Variants in OVCH1 observed in about 807,000 individuals in gnomAD.
The protein encoded by OVCH1 is ovochymase 1.
A neutral mutation model predicts 138.4 loss-of-function variants in OVCH1; 139 were observed. The ratio of observed to expected loss-of-function variants is 1.00; its 90% CI spans 0.87 to 1.16. OVCH1 has a LOEUF of 1.16. OVCH1 is among the 50% of genes most tolerant of loss of function. OVCH1 has a pLI of 0.00. For synonymous variants in OVCH1, 453 were observed against 467.8 expected, an observed-to-expected ratio of 0.97 and a Z score of 0.41; for missense variants, 1,367 against 1,357.9, an observed-to-expected ratio of 1.01 and a Z score of -0.11.
chr12:29,455,655 A>G (rs536783047), intron 19 of OVCH1, among the ~76,000 whole-genome samples: 1 of 152,198 alleles, frequency 6.6e-6, no homozygotes, highest in Non-Finnish European at 1.5e-5. Flanking sequence ...AAAGAAAACA[A>G]TTACATTACT....
At chr12:29,493,203 T>C (rs1943318890) in intron 4 of OVCH1, among the ~76,000 whole-genome samples, 2 of 152,118 alleles carry the variant, frequency 1.3e-5, no homozygotes, top group African/African-American at 4.8e-5. Context: ...TTTCCTCTTA[T>C]ATACACTTCG....
chr12:29,496,278 C>A (rs1373680640), exon 3 of OVCH1: 22 of 1,597,534 alleles, frequency 1.4e-5, no homozygotes, highest in Non-Finnish European at 1.8e-5. Context: ...TTTAGGGAGA[C>A]CTACCCAAGA....
At chr12:29,454,904 A>G (rs775449840) in exon 21 of OVCH1, 3 of 1,612,416 alleles carry the variant, frequency 1.9e-6, no homozygotes, top group African/African-American at 1.3e-5. Flanking sequence ...AAGGTTTTGC[A>G]TTTATTATTT....
At position 29,487,890 on chromosome 12, in the gene OVCH1, G is replaced by T; in HGVS notation, c.703-8C>A. ...TGGTCCTCCAGAGTCCCCCTTTCAT[G>T]GTACAAAAAAAGAGAAAATTTGAAA... On this transcript the variant is annotated splice_polypyrimidine_tract_variant and splice_region_variant and intron_variant, in intron 6 of 27. Coordinates refer to ENST00000318184, the Ensembl canonical transcript of OVCH1. 1.3e-6 allele frequency: 2 copies of T among 1,594,186 alleles called. No homozygotes were observed. Among genetic ancestry groups the T allele is most frequent in the Non-Finnish European group, 1.7e-6 (2 of 1,172,858 alleles).
intron 19 of OVCH1, chr12:29,461,639 G>T: frequency 3.2e-6 from 2 of 627,982 alleles, no homozygotes; most frequent in Non-Finnish European, 5.7e-6. Flanking sequence ...ACCGGCCTTT[G>T]TCGCTGTACA....
intron 3 of OVCH1, among the ~76,000 whole-genome samples, chr12:29,416,104 TAGAG>T (rs1275862672): frequency 1.3e-5 from 2 of 148,306 alleles, no homozygotes; most frequent in South Asian, 2.1e-4. Flanking sequence ...AAGGAAAGGA[TAGAG>T]AGAAAAAGAG....
At chr12:29,459,783 TA>T (rs1238580361) in intron 19 of OVCH1, among the ~76,000 whole-genome samples, 1 of 152,006 alleles carries the variant, frequency 6.6e-6, no homozygotes, top group African/African-American at 2.4e-5. Flanking sequence ...AATTAAAAAT[TA>T]AAAAAGAACT....
At chr12:29,439,345 T>C in exon 26 of OVCH1, 1 of 1,540,806 alleles carries the variant, frequency 6.5e-7, no homozygotes, top group Non-Finnish European at 8.7e-7. Context: ...TTTTCCCATA[T>C]ATGCATGATA....
chr12:29,484,556 G>A (rs564981734), intron 8 of OVCH1, among the ~76,000 whole-genome samples, 157 bp downstream of exon 9: 1 of 152,248 alleles, frequency 6.6e-6, no homozygotes, highest in East Asian at 1.9e-4. Context: ...TTAGTACGCT[G>A]GGGTGGGAAG....
downstream of OVCH1, among the ~76,000 whole-genome samples, chr12:29,410,384 G>C (rs560103578): frequency 7.7e-3 from 1,168 of 151,412 alleles, 14 homozygotes; most frequent in African/African-American, 0.027. Flanking sequence ...CTCGTTAGTT[G>C]ATGCAGTTTC....
At chr12:29,412,253 A>G (rs111806918), downstream of OVCH1, among the ~76,000 whole-genome samples, 100,933 of 151,742 alleles carry the variant, frequency 0.67, 34,932 homozygotes, top group Middle Eastern at 0.86. Flanking sequence ...GACTCCTTGC[A>G]CTTCCCGAGT....
At chr12:29,480,121 C>T (rs374414944) in intron 8 of OVCH1, among the ~76,000 whole-genome samples, 58 of 152,138 alleles carry the variant, frequency 3.8e-4, no homozygotes, top group African/African-American at 1.3e-3. Context: ...CATGCCCAGC[C>T]GGAAACTCTT....
exon 21 of OVCH1, chr12:29,454,903 C>T: frequency 6.2e-7 from 1 of 1,612,336 alleles, no homozygotes; most frequent in Non-Finnish European, 8.5e-7. Context: ...TAAGGTTTTG[C>T]ATTTATTATT....
At chr12:29,444,673 T>A (rs10843420) in intron 23 of OVCH1, among the ~76,000 whole-genome samples, 69,519 of 151,754 alleles carry the variant, frequency 0.46, 16,637 homozygotes, top group African/African-American at 0.59. Flanking sequence ...AGGTCTAGAA[T>A]AACATATTCT....
At chr12:29,409,328 G>T (rs1940923326), downstream of OVCH1, among the ~76,000 whole-genome samples, 1 of 152,060 alleles carries the variant, frequency 6.6e-6, no homozygotes, top group South Asian at 2.1e-4. Flanking sequence ...TCTATTTTTA[G>T]TTATTTCTTG....
chr12:29,472,889 C>T (rs576020544), intron 15 of OVCH1, 140 bp downstream of exon 15: 106 of 673,848 alleles, frequency 1.6e-4, no homozygotes, highest in Non-Finnish European at 2.2e-4. Context: ...TGACTCTGGA[C>T]GTTTTATGGA....
At chr12:29,432,324 G>T (rs1258832664) in intron 27 of OVCH1, among the ~76,000 whole-genome samples, 1 of 152,202 alleles carries the variant, frequency 6.6e-6, no homozygotes, top group African/African-American at 2.4e-5. Context: ...AAATATTATG[G>T]TGGAATTGTT....
At chr12:29,497,020 C>T (rs571568159) in intron 1 of OVCH1, among the ~76,000 whole-genome samples, 1 of 152,278 alleles carries the variant, frequency 6.6e-6, no homozygotes, top group East Asian at 1.9e-4. Flanking sequence ...CCTGTAATCC[C>T]AGCACTTTGG....
chr12:29,444,338 A>G, intron 23 of OVCH1, 58 bp from the exon 24 acceptor site: 3 of 1,522,000 alleles, frequency 2.0e-6, no homozygotes, highest in Non-Finnish European at 2.7e-6. Flanking sequence ...CAGGCTTCCT[A>G]TATGCCTTTT....
Sources: gnomAD v4.1 joint callset for allele counts (sites outside exome capture counted in the v4.1 genomes callset) on GRCh38, gnomAD v4.1.1 for gene constraint, MANE v1.5 for transcripts, NCBI Gene and HGNC (gene_info 2026-07-23, HGNC 2026-07-21) for gene names.